SPATA16: variants seen among roughly 807,000 people sequenced by gnomAD.
The protein encoded by SPATA16 is spermatogenesis associated 16.
A neutral mutation model predicts 63.3 loss-of-function variants in SPATA16; 36 were observed. The observed-to-expected ratio is 0.57, with a 90% CI of 0.44 to 0.75. The LOEUF (loss-of-function observed/expected upper bound fraction) is 0.75, where lower values mean the gene tolerates loss of function less well. SPATA16 is among the 30% of genes least tolerant of loss of function. The probability of loss-of-function intolerance (pLI) is 0.00; values close to 1 mark genes in which losing one functional copy is unlikely to be tolerated. For missense variants in SPATA16, 646 were observed against 679.3 expected (o/e 0.95, Z 0.54); for synonymous variants, 203 against 216.7 (o/e 0.94, Z 0.56).
chr3:172,965,523 GA>G (rs533419951), intron 5 of SPATA16, among the ~76,000 whole-genome samples: 76 of 152,236 alleles, frequency 5.0e-4, no homozygotes, highest in African/African-American at 1.8e-3. Context: ...CTGTGCTGTG[GA>G]AATATTACTC....
Position 172,956,704 on chromosome 3 carries a change from G to A in SPATA16, c.1054C>T (p.Pro352Ser), listed in dbSNP as rs2108234645. Residue 352 changes from proline to serine, a missense_variant, in exon 6 of 11, where the codon CCT (proline) becomes TCT (serine). By Grantham distance (74) the Pro-to-Ser change is moderately conservative. Transcript: ENST00000351008. The part of the protein sequence containing the change: ...KVKDAFTKTH[P>S]AYAEYMYTDL... ...GTGTACATATACTCTGCATATGCAG[G>A]ATGAGTTTTTGTGAAAGCATCTTTT... 6.2e-7 allele frequency: 1 copy of A among 1,612,366 alleles called. No individual in the cohort carries two copies. The highest frequency in any genetic ancestry group is 2.2e-5 in the East Asian group (1 of 44,774).
At chr3:172,982,242 C>T (rs1247302950) in intron 4 of SPATA16, among the ~76,000 whole-genome samples, 2 of 152,156 alleles carry the variant, frequency 1.3e-5, no homozygotes, top group Non-Finnish European at 2.9e-5. Context: ...TCTCACTGTC[C>T]ATATTTAAGA....
intron 6 of SPATA16, among the ~76,000 whole-genome samples, chr3:172,938,565 G>A (rs1004817391): frequency 1.3e-5 from 2 of 152,208 alleles, no homozygotes; most frequent in Non-Finnish European, 2.9e-5. Flanking sequence ...TGTTAAGACA[G>A]AGCAGAGACC....
intron 6 of SPATA16, among the ~76,000 whole-genome samples, chr3:172,934,165 G>GA (rs150321467): frequency 0.021 from 3,156 of 152,104 alleles, 112 homozygotes; most frequent in African/African-American, 0.073. Context: ...ACATCTCACA[G>GA]AAAATGACTT....
At chr3:173,060,278 A>G (rs950091678) in intron 2 of SPATA16, among the ~76,000 whole-genome samples, 4 of 152,158 alleles carry the variant, frequency 2.6e-5, no homozygotes, top group African/African-American at 4.8e-5. Flanking sequence ...AACAAAGCCA[A>G]AGATGGAGAC....
Position 173,065,094 on chromosome 3 carries a change from C to A in SPATA16, c.613-16000G>T, listed in dbSNP as rs147726970. Among the ~76,000 whole-genome samples the A allele has an allele frequency of 4.7e-3, 708 of 152,224 alleles. 2 individuals are homozygous for A. The highest frequency in any genetic ancestry group is 8.4e-3 in the Non-Finnish European group (571 of 68,010). On this transcript the variant is annotated intron_variant, in intron 2 of 10. Coordinates refer to ENST00000351008, the MANE Select transcript of SPATA16 (RefSeq NM_031955.6). ...TCTACAGGATGTTAAGGAGTTATTA[C>A]GTTAACAAAGTTTTTCAGATCAAAT...
chr3:172,994,065 T>C (rs1028292732), intron 4 of SPATA16, among the ~76,000 whole-genome samples: 6 of 152,234 alleles, frequency 3.9e-5, no homozygotes, highest in African/African-American at 7.2e-5. Flanking sequence ...TTTTGTTGAC[T>C]TTTATAAAGG....
At chr3:173,121,251 T>C (rs1738062179) in intron 1 of SPATA16, among the ~76,000 whole-genome samples, 1 of 152,184 alleles carries the variant, frequency 6.6e-6, no homozygotes, top group East Asian at 1.9e-4. Flanking sequence ...AGAAGAGTTA[T>C]GGAACTGCTG....
intron 6 of SPATA16, among the ~76,000 whole-genome samples, chr3:172,956,225 T>G (rs1382543830): frequency 1.3e-5 from 2 of 152,054 alleles, no homozygotes; most frequent in East Asian, 3.9e-4. Context: ...TATCCAGATC[T>G]CATTTGGATA....
At chr3:173,045,380 G>A (rs773155664) in intron 3 of SPATA16, among the ~76,000 whole-genome samples, 4 of 152,070 alleles carry the variant, frequency 2.6e-5, no homozygotes, top group Non-Finnish European at 4.4e-5. Flanking sequence ...GTCCTGCTCT[G>A]ACCATTGTCC....
At position 172,959,787 on chromosome 3, in the gene SPATA16, CATATAT is replaced by C. The variant is rs66806016; in HGVS notation, c.934-2969_934-2964del. On this transcript the variant is annotated intron_variant, in intron 5 of 10. Transcript: ENST00000351008. Reference sequence around the variant, plus strand: ...GTTGTAAAGAAATAGAGTAATATAACATATATATATATATATATATATATATATATA... The same window carrying C: ...GTTGTAAAGAAATAGAGTAATATAACATATATATATATATATATATATATA... Among the ~76,000 whole-genome samples the C allele has an allele frequency of 6.6e-3, 896 of 135,504 alleles. 16 individuals carry two copies. Among genetic ancestry groups the C allele is most frequent in the African/African-American group, 0.02 (702 of 34,322 alleles). 88.9% of individuals were successfully genotyped at this position (135,504 alleles called of 152,430 possible).
chr3:173,097,821 A>G (rs1737396388), intron 2 of SPATA16, among the ~76,000 whole-genome samples: 1 of 152,194 alleles, frequency 6.6e-6, no homozygotes, highest in South Asian at 2.1e-4. Context: ...AAGACAAAGG[A>G]TACCATTCAA....
At chr3:172,960,776 A>C (rs547238282) in intron 5 of SPATA16, among the ~76,000 whole-genome samples, 2 of 152,288 alleles carry the variant, frequency 1.3e-5, no homozygotes, top group African/African-American at 4.8e-5. Flanking sequence ...TTCTTGGTAA[A>C]ATTTTAAGAG....
intron 6 of SPATA16, among the ~76,000 whole-genome samples, chr3:172,952,469 C>T (rs186683964): frequency 3.7e-4 from 56 of 152,168 alleles, no homozygotes; most frequent in African/African-American, 1.3e-3. Context: ...CCATGCTTCT[C>T]CCCACTCAGC....
At chr3:173,074,092 G>T (rs535352004) in intron 2 of SPATA16, among the ~76,000 whole-genome samples, 2 of 152,312 alleles carry the variant, frequency 1.3e-5, no homozygotes, top group Admixed American at 1.3e-4. Flanking sequence ...TGGAATGGGT[G>T]TATTTATCCA....
intron 10 of SPATA16, among the ~76,000 whole-genome samples, chr3:172,896,559 A>G (rs1220896400): frequency 2.0e-5 from 3 of 152,192 alleles, no homozygotes; most frequent in African/African-American, 4.8e-5. Context: ...ACCATTTTAC[A>G]TCCCATTAGT....
intron 4 of SPATA16, among the ~76,000 whole-genome samples, chr3:173,012,894 C>G (rs372271696): frequency 6.6e-6 from 1 of 151,966 alleles, no homozygotes; most frequent in East Asian, 1.9e-4. Flanking sequence ...TGGCAGTGTC[C>G]TCAAAACATA....
chr3:172,906,937 G>T (rs1199941500), intron 10 of SPATA16, among the ~76,000 whole-genome samples: 1 of 152,012 alleles, frequency 6.6e-6, no homozygotes, highest in African/African-American at 2.4e-5. Flanking sequence ...TAGAGATGGG[G>T]TTTCACCGTG....
In SPATA16 at chr3:172,997,357, T is replaced by C. The variant is rs182647620; in HGVS notation, c.849-20305A>G. Among the ~76,000 whole-genome samples, 4 of 152,276 alleles carry C rather than the reference T, an allele frequency of 2.6e-5. No homozygotes were observed. The East Asian group carries it at 7.7e-4, about 29-fold the overall frequency. On this transcript the variant is annotated intron_variant, in intron 4 of 10. Coordinates refer to ENST00000351008, the MANE Select transcript of SPATA16 (RefSeq NM_031955.6). ...ATTATTGTTTTAATTTGCATTTCCC[T>C]GATGACATATGATGTGAGCATCTTT...
Sources: allele counts gnomAD v4.1 joint callset (sites outside exome capture counted in the v4.1 genomes callset), GRCh38; gene constraint gnomAD v4.1.1; transcripts MANE v1.5; gene names NCBI Gene and HGNC (gene_info 2026-07-23, HGNC 2026-07-21).